Variants in FGGY observed in about 807,000 individuals in gnomAD.
The protein encoded by FGGY is FGGY carbohydrate kinase domain-containing protein.
FGGY carries 72 observed loss-of-function variants against 71.3 expected under a neutral mutation model. The ratio of observed to expected loss-of-function variants is 1.01; its 90% CI spans 0.84 to 1.23. The LOEUF (loss-of-function observed/expected upper bound fraction) is 1.23. Ranked by LOEUF, FGGY falls within the 50% of genes most tolerant of loss-of-function variation. FGGY has a pLI of 0.00. For synonymous variants in FGGY, 251 were observed against 250.3 expected, an observed-to-expected ratio of 1.00 and a Z score of -0.02; for missense variants, 668 against 682.3, an observed-to-expected ratio of 0.98 and a Z score of 0.23.
intron 3 of FGGY, among the ~76,000 whole-genome samples, chr1:59,342,086 G>C (rs1157688931): frequency 6.6e-6 from 1 of 152,108 alleles, no homozygotes; most frequent in Non-Finnish European, 1.5e-5. Context: ...CAAGGATTTT[G>C]TATCATCTGA....
chr1:59,373,319 G>C (rs921477915), intron 4 of FGGY, among the ~76,000 whole-genome samples: 1 of 152,104 alleles, frequency 6.6e-6, no homozygotes, highest in African/African-American at 2.4e-5. Context: ...GCTTCAAAGA[G>C]AATAAAATAC....
chr1:59,749,892 C>A (rs1161662705), intron 14 of FGGY, among the ~76,000 whole-genome samples: 2 of 152,166 alleles, frequency 1.3e-5, no homozygotes, highest in African/African-American at 4.8e-5. Flanking sequence ...CAAATTCTGG[C>A]AGTCTGTTAT....
intron 14 of FGGY, among the ~76,000 whole-genome samples, chr1:59,728,560 A>G (rs1305426785): frequency 6.6e-6 from 1 of 151,940 alleles, no homozygotes; most frequent in African/African-American, 2.4e-5. Flanking sequence ...ACTTTTTTTC[A>G]ACATTTTTTA....
intron 4 of FGGY, among the ~76,000 whole-genome samples, chr1:59,356,088 C>T (rs985658108): frequency 6.6e-6 from 1 of 152,104 alleles, no homozygotes; most frequent in South Asian, 2.1e-4. Flanking sequence ...ATAGGGGCTG[C>T]CTTCTTTAGA....
chr1:59,524,322 C>T (rs778005544), intron 7 of FGGY, among the ~76,000 whole-genome samples: 1 of 151,942 alleles, frequency 6.6e-6, no homozygotes, highest in African/African-American at 2.4e-5. Context: ...TCAGTAGGAA[C>T]AGACTGGGTG....
intron 10 of FGGY, among the ~76,000 whole-genome samples, chr1:59,632,020 C>T (rs1437811780): frequency 6.6e-6 from 1 of 152,096 alleles, no homozygotes; most frequent in Admixed American, 6.5e-5. Context: ...TGGCATAATC[C>T]ACAAGTGCTA....
At chr1:59,464,713 C>A (rs1353405856) in intron 6 of FGGY, among the ~76,000 whole-genome samples, 1 of 152,140 alleles carries the variant, frequency 6.6e-6, no homozygotes, top group Non-Finnish European at 1.5e-5. Context: ...CACAGAAATA[C>A]AAACTACCAT....
chr1:59,571,344 C>T (rs2095982104), intron 8 of FGGY, among the ~76,000 whole-genome samples: 1 of 152,208 alleles, frequency 6.6e-6, no homozygotes, highest in African/African-American at 2.4e-5. Context: ...AGAGCATTCA[C>T]TCTGTGCCAG....
chr1:59,748,972 A>G (rs77501749), intron 14 of FGGY, among the ~76,000 whole-genome samples: 2,959 of 152,294 alleles, frequency 0.019, 43 homozygotes, highest in Non-Finnish European at 0.032. Flanking sequence ...GATTGAGTCA[A>G]TCACCGATGG....
Position 59,550,288 on chromosome 1 carries a change from C to T in FGGY, c.800-3836C>T, listed in dbSNP as rs190865851. On this transcript the variant is annotated intron_variant, in intron 7 of 15. Transcript: ENST00000303721. ...CTGTGGATGGCAAAATATGTTTCTC[C>T]GGAAAGAAGAAAGCTCCTCCCACCT... 1.1e-4 allele frequency among the ~76,000 whole-genome samples: 17 copies of T among 152,074 alleles called. 1 individual carries two copies. Among genetic ancestry groups the T allele is most frequent in the African/African-American group, 7.2e-5 (3 of 41,484 alleles).
intron 14 of FGGY, among the ~76,000 whole-genome samples, chr1:59,741,687 C>T (rs1464228883): frequency 6.6e-6 from 1 of 151,740 alleles, no homozygotes; most frequent in Non-Finnish European, 1.5e-5. Flanking sequence ...CGGTGGCTGA[C>T]ACACTTTGGG....
intron 10 of FGGY, among the ~76,000 whole-genome samples, chr1:59,636,800 A>G (rs1326202536): frequency 6.6e-6 from 1 of 152,192 alleles, no homozygotes; most frequent in Non-Finnish European, 1.5e-5. Flanking sequence ...ACAAACTAGA[A>G]CTAGAAATCA....
At chr1:59,391,503 G>A (rs1415322073) in intron 5 of FGGY, among the ~76,000 whole-genome samples, 2 of 152,212 alleles carry the variant, frequency 1.3e-5, no homozygotes, top group East Asian at 3.8e-4. Context: ...CAAAGTCTGA[G>A]GAAGGTTGAG....
At chr1:59,585,169 C>T (rs902964263) in intron 8 of FGGY, among the ~76,000 whole-genome samples, 67 of 152,276 alleles carry the variant, frequency 4.4e-4, no homozygotes, top group African/African-American at 1.6e-3. Flanking sequence ...GAAAAAACTA[C>T]TTTAAAGCTC....
At chr1:59,378,882 T>C in intron 5 of FGGY, 45 bp downstream of exon 5, 1 of 1,484,440 alleles carries the variant, frequency 6.7e-7, no homozygotes, top group Non-Finnish European at 9.4e-7. Context: ...CTTCCATTCT[T>C]GGATGTCTGT....
intron 15 of FGGY, among the ~76,000 whole-genome samples, chr1:59,758,570 G>C (rs78002091): frequency 0.017 from 2,604 of 152,320 alleles, 81 homozygotes; most frequent in East Asian, 0.068. Flanking sequence ...AAGGAAGAAA[G>C]AGATGGGAGC....
intron 2 of FGGY, among the ~76,000 whole-genome samples, chr1:59,337,974 T>C (rs139278284): frequency 5.9e-5 from 9 of 152,322 alleles, no homozygotes; most frequent in African/African-American, 1.7e-4. Context: ...TTAAGTATGA[T>C]GTTAGCTGTA....
intron 8 of FGGY, among the ~76,000 whole-genome samples, chr1:59,589,314 T>G (rs2096379105): frequency 6.6e-6 from 1 of 152,216 alleles, no homozygotes; most frequent in East Asian, 1.9e-4. Flanking sequence ...ACAAAGAGAC[T>G]TAGACTCCCA....
At chr1:59,686,890 TG>T (rs1558798973) in intron 14 of FGGY, among the ~76,000 whole-genome samples, 1 of 152,250 alleles carries the variant, frequency 6.6e-6, no homozygotes, top group Non-Finnish European at 1.5e-5. Context: ...TGAGATGATA[TG>T]CAAGAAGTAT....
Sources: gnomAD v4.1 joint callset for allele counts (sites outside exome capture counted in the v4.1 genomes callset) on GRCh38, gnomAD v4.1.1 for gene constraint, MANE v1.5 for transcripts, NCBI Gene and HGNC (gene_info 2026-07-23, HGNC 2026-07-21) for gene names.